The following ATOSA variants were observed in gnomAD, a reference collection of about 807,000 sequenced individuals.
The protein encoded by ATOSA is atos homolog protein A.
At chr15:52,654,317 C>G in the ATOSA span, among the ~76,000 whole-genome samples, 1 of 152,216 alleles carries the variant, frequency 6.6e-6, no homozygotes, top group Admixed American at 6.5e-5. Flanking sequence ...GTGAAATGCT[C>G]CCCTCTATGC....
chr15:52,688,611 C>T, the ATOSA span, among the ~76,000 whole-genome samples: 2 of 152,160 alleles, frequency 1.3e-5, no homozygotes, highest in Non-Finnish European at 2.9e-5. Flanking sequence ...AGACATATTA[C>T]ATTTGAAAAA....
the ATOSA span, among the ~76,000 whole-genome samples, chr15:52,702,702 A>C: frequency 1.3e-5 from 2 of 150,884 alleles, no homozygotes; most frequent in African/African-American, 4.9e-5. Flanking sequence ...CCCACACCTC[A>C]GTATCATGCA....
chr15:52,611,806 T>A, the ATOSA span: 1 of 1,601,506 alleles, frequency 6.2e-7, no homozygotes, highest in South Asian at 1.1e-5. Context: ...AAGCAAAATG[T>A]CTCAAAAACC....
chr15:52,675,816 G>A, the ATOSA span, among the ~76,000 whole-genome samples: 1 of 152,032 alleles, frequency 6.6e-6, no homozygotes, highest in South Asian at 2.1e-4. Flanking sequence ...TGAGGCAGGA[G>A]AATGGCGTGA....
At chr15:52,672,172 C>CAAAAAAAAAAAAAAAAAAAAAAAAAAA in the ATOSA span, among the ~76,000 whole-genome samples, 3 of 62,550 alleles carry the variant, frequency 4.8e-5, no homozygotes, top group African/African-American at 2.1e-4. Flanking sequence ...CCCCATTTCT[C>CAAAAAAAAAAAAAAAAAAAAAAAAAAA]AAAAAAAAAA....
At chr15:52,591,822 T>G in the ATOSA span, among the ~76,000 whole-genome samples, 8 of 152,242 alleles carry the variant, frequency 5.3e-5, no homozygotes, top group Non-Finnish European at 7.3e-5. Flanking sequence ...AATGAACAGG[T>G]AGCATATGTA....
At chr15:52,693,206 G>T in the ATOSA span, among the ~76,000 whole-genome samples, 1 of 152,228 alleles carries the variant, frequency 6.6e-6, no homozygotes, top group South Asian at 2.1e-4. Flanking sequence ...GATCACTTGA[G>T]GTCAGGAGTT....
chr15:52,670,115 T>C, the ATOSA span, among the ~76,000 whole-genome samples: 10 of 152,218 alleles, frequency 6.6e-5, no homozygotes, highest in Non-Finnish European at 1.3e-4. Flanking sequence ...AGTTCAATGC[T>C]GGTTTTGACT....
At chr15:52,650,361 G>A in the ATOSA span, among the ~76,000 whole-genome samples, 1 of 151,996 alleles carries the variant, frequency 6.6e-6, no homozygotes, top group African/African-American at 2.4e-5. Context: ...CAAGTTTTTG[G>A]CTGCACCTTA....
chr15:52,620,146 T>A, the ATOSA span, among the ~76,000 whole-genome samples: 2 of 152,244 alleles, frequency 1.3e-5, no homozygotes, highest in Admixed American at 6.5e-5. Context: ...AACTTAGCCA[T>A]TGGGAAAACT....
At chr15:52,647,937 C>G in the ATOSA span, among the ~76,000 whole-genome samples, 1 of 152,120 alleles carries the variant, frequency 6.6e-6, no homozygotes, top group African/African-American at 2.4e-5. Context: ...ACCCTGTCTT[C>G]TTTTTCTGCC....
chr15:52,619,826 T>TAA, the ATOSA span, among the ~76,000 whole-genome samples: 1 of 116,492 alleles, frequency 8.6e-6, no homozygotes, highest in African/African-American at 2.7e-5. Flanking sequence ...GAGACTGTCT[T>TAA]AAAAAAAAAA....
At chr15:52,691,552 C>A in the ATOSA span, among the ~76,000 whole-genome samples, 1 of 152,094 alleles carries the variant, frequency 6.6e-6, no homozygotes, top group Non-Finnish European at 1.5e-5. Flanking sequence ...AGGTAGAGAA[C>A]CCAAATAGAT....
chr15:52,585,141 G>A, the ATOSA span: 1 of 462,000 alleles, frequency 2.2e-6, no homozygotes, highest in East Asian at 3.8e-5. Context: ...TCAATTTTTT[G>A]TTTTACAATA....
chr15:52,662,692 C>T, the ATOSA span, among the ~76,000 whole-genome samples: 1 of 150,822 alleles, frequency 6.6e-6, no homozygotes, highest in Non-Finnish European at 1.5e-5. Flanking sequence ...ATGGCGTGAA[C>T]CCGGGAGGCG....
At chr15:52,619,856 AG>A in the ATOSA span, among the ~76,000 whole-genome samples, 35 of 152,086 alleles carry the variant, frequency 2.3e-4, no homozygotes, top group Admixed American at 1.0e-3. Flanking sequence ...AGAAAAGAAA[AG>A]AAAAATAAAT....
At chr15:52,641,676 G>C in the ATOSA span, among the ~76,000 whole-genome samples, 1 of 152,182 alleles carries the variant, frequency 6.6e-6, no homozygotes, top group Admixed American at 6.5e-5. Flanking sequence ...GCAAATATAG[G>C]AAGATCAATT....
At chr15:52,651,912 A>AAT in the ATOSA span, 1 of 1,535,394 alleles carries the variant, frequency 6.5e-7, no homozygotes, top group Non-Finnish European at 8.7e-7. Flanking sequence ...ACCATACTGG[A>AAT]ATCCTTGTAT....
the ATOSA span, among the ~76,000 whole-genome samples, chr15:52,614,318 C>T: frequency 1.3e-5 from 2 of 151,332 alleles, no homozygotes; most frequent in African/African-American, 2.4e-5. Flanking sequence ...GTTGGTCAGG[C>T]TGGTCTCGAA....
Sources: allele counts gnomAD v4.1 joint callset (sites outside exome capture counted in the v4.1 genomes callset), GRCh38; gene constraint gnomAD v4.1.1; transcripts MANE v1.5; gene names NCBI Gene and HGNC (gene_info 2026-07-23, HGNC 2026-07-21).